Variants in NCOA7 observed in about 807,000 individuals in gnomAD.
The protein encoded by NCOA7 is nuclear receptor coactivator 7, also known as 140 kDa estrogen receptor-associated protein.
Under a neutral mutation model 104.3 loss-of-function variants are expected in NCOA7, and 45 were observed. The ratio of observed to expected loss-of-function variants is 0.43; its 90% CI spans 0.34 to 0.55. The LOEUF (loss-of-function observed/expected upper bound fraction) is 0.55, where lower values mean the gene tolerates loss of function less well. Among genes scored for constraint, NCOA7 ranks in the 20% least tolerant of loss-of-function variants. The pLI is 0.02. For missense variants in NCOA7, 1,041 were observed against 1,119.7 expected, an observed-to-expected ratio of 0.93 and a Z score of 1.00; for synonymous variants, 398 against 402.3, an observed-to-expected ratio of 0.99 and a Z score of 0.13.
At chr6:125,897,100 G>A (rs1785087972) in intron 10 of NCOA7, among the ~76,000 whole-genome samples, 1 of 152,200 alleles carries the variant, frequency 6.6e-6, no homozygotes, top group Non-Finnish European at 1.5e-5. Flanking sequence ...ATAAAAATGA[G>A]TAACGTATAC....
chr6:125,848,545 C>T (rs1459812562), intron 2 of NCOA7, among the ~76,000 whole-genome samples: 1 of 152,080 alleles, frequency 6.6e-6, no homozygotes, highest in African/African-American at 2.4e-5. Context: ...CAAACTATCA[C>T]AAGGACAGAA....
intron 3 of NCOA7, among the ~76,000 whole-genome samples, chr6:125,868,718 A>G (rs986248605): frequency 1.3e-5 from 2 of 152,264 alleles, no homozygotes; most frequent in African/African-American, 2.4e-5. Context: ...TCTCCTGTTC[A>G]TAAATCAGGG....
intron 10 of NCOA7, among the ~76,000 whole-genome samples, chr6:125,912,599 G>A (rs915523414): frequency 7.9e-5 from 12 of 152,302 alleles, no homozygotes; most frequent in African/African-American, 2.9e-4. Flanking sequence ...AGAATGTGGA[G>A]GTCAAAAGAG....
At chr6:125,901,015 T>C (rs1344324532) in intron 10 of NCOA7, among the ~76,000 whole-genome samples, 5 of 152,234 alleles carry the variant, frequency 3.3e-5, no homozygotes, top group Non-Finnish European at 7.3e-5. Flanking sequence ...CTACTGGGCT[T>C]CTGTAGCTGT....
chr6:125,867,635 A>T (rs1782545895), intron 3 of NCOA7, among the ~76,000 whole-genome samples: 1 of 152,146 alleles, frequency 6.6e-6, no homozygotes, highest in Non-Finnish European at 1.5e-5. Flanking sequence ...TGCTGCTTTT[A>T]TCTCCACTAC....
At chr6:125,887,876 C>G (rs1784367565) in intron 8 of NCOA7, among the ~76,000 whole-genome samples, 1 of 152,110 alleles carries the variant, frequency 6.6e-6, no homozygotes, top group Admixed American at 6.6e-5. Flanking sequence ...AAGATATTTC[C>G]AGTCATATTT....
intron 2 of NCOA7, among the ~76,000 whole-genome samples, chr6:125,830,721 TTA>T (rs72316010): frequency 0.42 from 59,783 of 142,724 alleles, 12,679 homozygotes; most frequent in South Asian, 0.51. Context: ...TCTATATATT[TTA>T]TATATATATA....
At chr6:125,921,267 G>A (rs368105637) in intron 12 of NCOA7, among the ~76,000 whole-genome samples, 199 bp downstream of exon 12, 93 of 152,264 alleles carry the variant, frequency 6.1e-4, no homozygotes, top group African/African-American at 1.1e-3. Context: ...AAAATTGGCC[G>A]GGCGTGATGG....
chr6:125,794,163 GA>G, intron 1 of NCOA7, among the ~76,000 whole-genome samples: 1 of 152,220 alleles, frequency 6.6e-6, no homozygotes, highest in East Asian at 1.9e-4. Context: ...TGTTACTTTC[GA>G]AATGTGGTTA....
intron 11 of NCOA7, among the ~76,000 whole-genome samples, chr6:125,919,983 A>T (rs966004682): frequency 6.6e-6 from 1 of 152,228 alleles, no homozygotes; most frequent in Non-Finnish European, 1.5e-5. Context: ...CCTTCACTTG[A>T]TCTTACACAA....
chr6:125,817,538 T>C (rs928738190), intron 2 of NCOA7, among the ~76,000 whole-genome samples: 1 of 152,264 alleles, frequency 6.6e-6, no homozygotes, highest in South Asian at 2.1e-4. Flanking sequence ...AACATTTTCA[T>C]GTGCTTATTA....
Position 125,885,157 on chromosome 6 carries a change from A to C in NCOA7, c.700-2A>C. The C allele has an allele frequency of 1.2e-6, 2 of 1,613,762 alleles. No individual in the cohort carries two copies. The highest frequency in any genetic ancestry group is 1.7e-6 in the Non-Finnish European group (2 of 1,179,756). ...ATTCTGTCCTGTTGCTTTCTCCTGC[A>C]GGGTGTGGTTGGCGGTGTTATGATA... On this transcript the variant is annotated splice_acceptor_variant, in intron 7 of 15. Transcript: ENST00000392477. LOFTEE classifies it high-confidence loss of function.
chr6:125,916,094 G>A (rs1487673297), intron 11 of NCOA7, among the ~76,000 whole-genome samples: 1 of 152,168 alleles, frequency 6.6e-6, no homozygotes, highest in Non-Finnish European at 1.5e-5. Context: ...GGAGGCACCT[G>A]GTGGGAGGTG....
At chr6:125,802,889 C>T (rs1776037392) in intron 1 of NCOA7, among the ~76,000 whole-genome samples, 1 of 152,196 alleles carries the variant, frequency 6.6e-6, no homozygotes, top group African/African-American at 2.4e-5. Context: ...TGCACTTCTC[C>T]ATGCTGATTT....
chr6:125,818,357 G>A (rs1351255870), intron 2 of NCOA7, among the ~76,000 whole-genome samples: 1 of 152,086 alleles, frequency 6.6e-6, no homozygotes, highest in African/African-American at 2.4e-5. Flanking sequence ...ACTCAGAAAT[G>A]TAAAATTGTC....
chr6:125,899,930 G>T, intron 10 of NCOA7: 2 of 526,296 alleles, frequency 3.8e-6, no homozygotes, highest in Admixed American at 3.9e-5. Flanking sequence ...GGCGGAGCAA[G>T]CTTGGAGACA....
intron 4 of NCOA7, 130 bp downstream of exon 4, chr6:125,875,098 C>G: frequency 1.6e-6 from 1 of 627,742 alleles, no homozygotes; most frequent in South Asian, 2.3e-5. Flanking sequence ...CTTCTTAAGA[C>G]CAGTTTTAGG....
intron 2 of NCOA7, among the ~76,000 whole-genome samples, chr6:125,846,976 A>C (rs1780669958): frequency 1.3e-5 from 2 of 152,232 alleles, no homozygotes; most frequent in South Asian, 4.1e-4. Flanking sequence ...AGCTTGTCAT[A>C]AGTTTTTGAA....
chr6:125,892,823 C>G (rs1482348969), intron 10 of NCOA7, among the ~76,000 whole-genome samples: 1 of 152,082 alleles, frequency 6.6e-6, no homozygotes, highest in Non-Finnish European at 1.5e-5. Flanking sequence ...ATGAATCAAC[C>G]AAAGATTTTC....
Sources: allele counts gnomAD v4.1 joint callset (sites outside exome capture counted in the v4.1 genomes callset), GRCh38; gene constraint gnomAD v4.1.1; transcripts MANE v1.5; gene names NCBI Gene and HGNC (gene_info 2026-07-23, HGNC 2026-07-21).